ZNF316: variants seen among roughly 807,000 people sequenced by gnomAD.
ZNF316 encodes the protein zinc finger protein 316.
Under a neutral mutation model 75.6 loss-of-function variants are expected in ZNF316, and 23 were observed. The ratio of observed to expected loss-of-function variants is 0.30; its 90% CI spans 0.22 to 0.43. The LOEUF (loss-of-function observed/expected upper bound fraction) is 0.43, where lower values mean the gene tolerates loss of function less well. Among genes scored for constraint, ZNF316 ranks in the 20% least tolerant of loss-of-function variants. The probability of loss-of-function intolerance (pLI) is 1.00; values close to 1 mark genes in which losing one functional copy is unlikely to be tolerated. For synonymous variants in ZNF316, 827 were observed against 666.2 expected, an observed-to-expected ratio of 1.24 and a Z score of -3.72; for missense variants, 1,266 against 1,409.4, an observed-to-expected ratio of 0.90 and a Z score of 1.63.
rs1779323727 is a variant in ZNF316, at chr7:6,642,305, A to T, written c.-28-77A>T. ...AAATCCTGCTCCCTGCGCCCCCGCC[A>T]GGCTGCGGGAGACCCTGTGAGGGGA... On this transcript the variant is annotated intron_variant, in intron 4 of 8. Transcript: ENST00000382252. This position sits in a 1 kb window ranked among gnomAD's most constrained non-coding sequence, Gnocchi z 8.1. The T allele has an allele frequency of 1.4e-6, 1 of 690,436 alleles. No individual in the cohort carries two copies. The allele number at this position is 690,436 out of a possible 1,614,324, so 42.8% of individuals were successfully genotyped here.
intron 2 of ZNF316, among the ~76,000 whole-genome samples, chr7:6,638,682 C>A (rs1779261547): frequency 6.6e-6 from 1 of 152,194 alleles, no homozygotes; most frequent in African/African-American, 2.4e-5. Context: ...CGCCTGTAAT[C>A]CCAGCACTTT....
chr7:6,652,808 G>A lies in ZNF316; in HGVS notation c.1212G>A (p.Pro404=), dbSNP rs932207165. The change falls in exon 9 of 9, where the codon CCG becomes CCA. Residue 404 remains proline, a synonymous_variant. Transcript: ENST00000382252. ...CCGGCGAGAAGCCCTTCCCGTGCCC[G>A]GACTGCGGCAAGCGCTTCGTCTACA... is the stretch of plus-strand genomic sequence containing the variant. ...THTGEKPFPC[P]DCGKRFVYKS... is the part of the protein sequence containing the mutation. The A allele has an allele frequency of 3.3e-5, 42 of 1,268,804 alleles. No homozygotes were observed. Among genetic ancestry groups the A allele is most frequent in the Non-Finnish European group, 3.4e-5 (34 of 1,006,874 alleles). The allele number at this position is 1,268,804 out of a possible 1,614,324, so 78.6% of individuals were successfully genotyped here.
rs1779241279 is a variant in ZNF316, at chr7:6,637,760, C to A, written c.-430-86C>A. On this transcript the variant is annotated intron_variant, in intron 1 of 8. Transcript: ENST00000382252. This position sits in a 1 kb window ranked among gnomAD's most constrained non-coding sequence, Gnocchi z 6.2. ...CACGCGTGACACCTCGGGGTGCCCG[C>A]CCACGCCTTCTCGGCCGCAGCGGCA... 6.6e-6 allele frequency: 1 copy of A among 152,086 alleles called. No homozygotes were observed. Among genetic ancestry groups the A allele is most frequent in the African/African-American group, 2.4e-5 (1 of 41,434 alleles). 9.4% of individuals were successfully genotyped at this position (152,086 alleles called of 1,614,324 possible).
Position 6,644,583 on chromosome 7 carries a change from C to T in ZNF316, c.696C>T (p.Gly232=), listed in dbSNP as rs1157659421. The T allele has an allele frequency of 8.1e-6, 10 of 1,231,266 alleles. No individual in the cohort carries two copies. The highest frequency in any genetic ancestry group is 8.4e-5 in the Admixed American group (2 of 23,688). The allele number at this position is 1,231,266 out of a possible 1,614,324, so 76.3% of individuals were successfully genotyped here. A position where few individuals can be genotyped will look rare whatever the true frequency, so the allele number is the denominator to read the frequency against. The change falls in exon 8 of 9, where the codon GGC becomes GGT. Residue 232 remains glycine (G), a synonymous_variant. Coordinates refer to ENST00000382252, the MANE Select transcript of ZNF316 (RefSeq NM_001278559.2). ...CTGAGGAAGGAGACATCGTCACTGG[C>T]GTCTACACAGGTGAGCGTGGATGGA... ...PRPEEGDIVT[G]VYTGAWFWTD...
chr7:6,653,670 A>T lies in ZNF316; in HGVS notation c.2074A>T (p.Ile692Phe). The T allele has an allele frequency of 2.8e-6, 3 of 1,078,010 alleles. No individual in the cohort carries two copies. The highest frequency in any genetic ancestry group is 3.4e-6 in the Non-Finnish European group (3 of 887,948). The allele number at this position is 1,078,010 out of a possible 1,614,324, so 66.8% of individuals were successfully genotyped here. Residue 692 changes from isoleucine to phenylalanine, a missense_variant, in exon 9 of 9, where the codon ATC (isoleucine) becomes TTC (phenylalanine). By Grantham distance (21) the Ile-to-Phe change is conservative (BLOSUM62 0). This residue lies in a region of ZNF316 where 961 missense variants were observed against 990.9 expected (regional missense o/e 0.97). Coordinates refer to ENST00000382252, the MANE Select transcript of ZNF316 (RefSeq NM_001278559.2). ...AALAEEESPW[I>F]CSDCGKTFGR... ...GCTGGCGGAGGAGGAGAGCCCGTGG[A>T]TCTGCTCGGACTGCGGCAAGACGTT... is the stretch of plus-strand genomic sequence containing the variant.
In ZNF316 at chr7:6,656,809, C is replaced by T. The variant is rs1285241145; in HGVS notation, c.*2198C>T. 2.6e-5 allele frequency among the ~76,000 whole-genome samples: 4 copies of T among 152,018 alleles called. No homozygotes were observed. The highest frequency in any genetic ancestry group is 9.7e-5 in the African/African-American group (4 of 41,342). ...TCAGAGGCCCCAGCACCATGTGGCTCATCCAGGGCTCACCTACTCCAGTAC... is the reference window on the plus strand; with the variant it reads ...TCAGAGGCCCCAGCACCATGTGGCTTATCCAGGGCTCACCTACTCCAGTAC... On this transcript the variant is annotated 3_prime_UTR_variant, in exon 9 of 9. Transcript: ENST00000382252.
intron 8 of ZNF316, among the ~76,000 whole-genome samples, chr7:6,650,324 C>T (rs1779485447): frequency 1.3e-5 from 2 of 152,226 alleles, no homozygotes; most frequent in Admixed American, 1.3e-4. Context: ...CTGTGGGTGG[C>T]AGTTCGAGGT....
At chr7:6,644,231 G>A (rs1299346008) in intron 7 of ZNF316, among the ~76,000 whole-genome samples, 1 of 152,150 alleles carries the variant, frequency 6.6e-6, no homozygotes, top group Non-Finnish European at 1.5e-5. Context: ...GGCGGAAGGC[G>A]AGGGAGGAGG....
chr7:6,638,643 G>C (rs1049292374), intron 2 of ZNF316, among the ~76,000 whole-genome samples: 1 of 151,920 alleles, frequency 6.6e-6, no homozygotes, highest in African/African-American at 2.4e-5. Flanking sequence ...TAGTAGAAAT[G>C]AGGGTTTGGG....
Position 6,653,492 on chromosome 7 carries a change from C to G in ZNF316, c.1896C>G (p.Leu632=). ...RERLPVDGRP[L]PAPLGGPLSL... ...GGCTGCCGGTCGACGGGCGCCCGCT[C>G]CCGGCGCCCCTGGGGGGCCCGCTCT... The change falls in exon 9 of 9, where the codon CTC becomes CTG. Residue 632 remains leucine, a synonymous_variant. Coordinates refer to ENST00000382252, the MANE Select transcript of ZNF316 (RefSeq NM_001278559.2). 2.5e-6 allele frequency: 3 copies of G among 1,222,446 alleles called. No homozygotes were observed. Among genetic ancestry groups the G allele is most frequent in the Non-Finnish European group, 3.1e-6 (3 of 981,804 alleles). The allele number at this position is 1,222,446 out of a possible 1,614,324, so 75.7% of individuals were successfully genotyped here. A position where few individuals can be genotyped will look rare whatever the true frequency, so the allele number is the denominator to read the frequency against.
rs1022463069 is a variant in ZNF316 at position 6,653,066 on chromosome 7, C to T, written c.1470C>T (p.Cys490=). Residue 490 remains cysteine (C), a synonymous_variant, in exon 9 of 9, where the codon TGC becomes TGT. Transcript: ENST00000382252. ...ACCGCCCGCACTGCTGTCCCGACTGCGGCCAGGCCTTCCGCCTGCGCGCCG... is the reference window on the plus strand; with the variant it reads ...ACCGCCCGCACTGCTGTCCCGACTGTGGCCAGGCCTTCCGCCTGCGCGCCG... ...TADRPHCCPD[C]GQAFRLRADF... is the part of the protein sequence containing the mutation. The T allele has an allele frequency of 8.3e-6, 10 of 1,210,876 alleles. No homozygotes were observed. The highest frequency in any genetic ancestry group is 3.2e-5 in the African/African-American group (2 of 63,328). 75.0% of individuals were successfully genotyped at this position (1,210,876 alleles called of 1,614,324 possible).
Position 6,652,593 on chromosome 7 carries a change from C to T in ZNF316, c.997C>T (p.Pro333Ser), listed in dbSNP as rs1779528776. The change falls in exon 9 of 9, where the codon CCC becomes TCC. Residue 333 changes from proline to serine, a missense_variant. By Grantham distance (74) the Pro-to-Ser change is moderately conservative. Coordinates refer to ENST00000382252, the MANE Select transcript of ZNF316 (RefSeq NM_001278559.2). Reference protein sequence around the residue: ...GANLLSPWAFPAAVAPPAGRP... With the variant: ...GANLLSPWAFSAAVAPPAGRP... ...GAACCTGCTGTCGCCCTGGGCGTTC[C>T]CCGCCGCAGTGGCCCCGCCGGCCGG... 3 of 1,230,462 alleles carry T rather than the reference C, an allele frequency of 2.4e-6. No homozygotes were observed. Among genetic ancestry groups the T allele is most frequent in the South Asian group, 8.2e-5 (2 of 24,352 alleles). 76.2% of individuals were successfully genotyped at this position (1,230,462 alleles called of 1,614,324 possible). A position where few individuals can be genotyped will look rare whatever the true frequency, so the allele number is the denominator to read the frequency against.
chr7:6,653,118 G>T lies in ZNF316; in HGVS notation c.1522G>T (p.Gly508Cys). ...CTTCCAGCGCCACCGACGCGGCGGG[G>T]GCTGCGCGGAGGCGGGTGGTGACGG... ...ADFQRHRRGG[G>C]CAEAGGDGPR... Residue 508 changes from glycine to cysteine, a missense_variant, in exon 9 of 9, where the codon GGC becomes TGC. Transcript: ENST00000382252. The T allele has an allele frequency of 8.6e-7, 1 of 1,166,590 alleles. No individual in the cohort carries two copies. Among genetic ancestry groups the T allele is most frequent in the Non-Finnish European group, 1.1e-6 (1 of 946,918 alleles). The allele number at this position is 1,166,590 out of a possible 1,614,324, so 72.3% of individuals were successfully genotyped here.
At chr7:6,649,256 C>T (rs562315149) in intron 8 of ZNF316, among the ~76,000 whole-genome samples, 9 of 152,264 alleles carry the variant, frequency 5.9e-5, no homozygotes, top group South Asian at 2.1e-4. Context: ...TAGGCCTAAA[C>T]GTGAGGTGCA....
In ZNF316 at chr7:6,653,252, G is replaced by C; in HGVS notation, c.1656G>C (p.Ala552=). ...VGEADGEAEA[A]AEEREEAAVA... ...AGGCGGACGGAGAGGCGGAGGCCGC[G>C]GCCGAGGAGAGAGAGGAGGCGGCGG... The change falls in exon 9 of 9, where the codon GCG becomes GCC. Residue 552 remains alanine (A), a synonymous_variant. Transcript: ENST00000382252. 8.2e-7 allele frequency: 1 copy of C among 1,226,938 alleles called. No individual in the cohort carries two copies. Among genetic ancestry groups the C allele is most frequent in the Non-Finnish European group, 1.0e-6 (1 of 985,278 alleles). The allele number at this position is 1,226,938 out of a possible 1,614,324, so 76.0% of individuals were successfully genotyped here. A position where few individuals can be genotyped will look rare whatever the true frequency, so the allele number is the denominator to read the frequency against.
chr7:6,646,524 G>A (rs1562580974), intron 8 of ZNF316, among the ~76,000 whole-genome samples: 1 of 152,210 alleles, frequency 6.6e-6, no homozygotes, highest in Non-Finnish European at 1.5e-5. Context: ...CCTGGCTGGG[G>A]TTTGAGAGCT....
Position 6,653,337 on chromosome 7 carries a change from C to T in ZNF316, c.1741C>T (p.Leu581=), listed in dbSNP as rs1465625333. 3 of 1,226,120 alleles carry T rather than the reference C, an allele frequency of 2.4e-6. No homozygotes were observed. Among genetic ancestry groups the T allele is most frequent in the Admixed American group, 8.5e-5 (2 of 23,424 alleles). The allele number at this position is 1,226,120 out of a possible 1,614,324, so 76.0% of individuals were successfully genotyped here. Residue 581 remains leucine, a synonymous_variant, in exon 9 of 9, where the codon CTG becomes TTG. Coordinates refer to ENST00000382252, the MANE Select transcript of ZNF316 (RefSeq NM_001278559.2). ...CGCGCCGGAACGGCGCTTCCTGGAG[C>T]TGGGCAACGGCCTGGGGGAGGGCGA... is the stretch of plus-strand genomic sequence containing the variant. The part of the protein sequence containing the change: ...DPAPERRFLE[L]GNGLGEGEGP...
rs192318444 is a variant in ZNF316 at position 6,639,497 on chromosome 7, C to A, written c.-167+356C>A. On this transcript the variant is annotated intron_variant, in intron 3 of 8. Coordinates refer to ENST00000382252, the MANE Select transcript of ZNF316 (RefSeq NM_001278559.2). The surrounding 1 kb of genome is among the most constrained non-coding windows in gnomAD (Gnocchi z 4.2). ...GGCCCAGGGGGCTGCCTCAGAAGAC[C>A]ACCCAGGAAAAGGGGAAGAGAGTTC... 1.3e-5 allele frequency among the ~76,000 whole-genome samples: 2 copies of A among 152,304 alleles called. No homozygotes were observed. The highest frequency in any genetic ancestry group is 4.8e-5 in the African/African-American group (2 of 41,544).
At position 6,653,484 on chromosome 7, in the gene ZNF316, CGCCCGCTCCCGGCGCCCCTGGGGG is replaced by C. The variant is rs1301174637; in HGVS notation, c.1897_1920del (p.Pro633_Leu640del). 8.1e-4 allele frequency: 998 copies of C among 1,225,122 alleles called. No homozygotes were observed. Among genetic ancestry groups the C allele is most frequent in the Non-Finnish European group, 9.2e-4 (907 of 984,066 alleles). The allele number at this position is 1,225,122 out of a possible 1,614,324, so 75.9% of individuals were successfully genotyped here. A position where few individuals can be genotyped will look rare whatever the true frequency, so the allele number is the denominator to read the frequency against. On this transcript the variant is annotated inframe_deletion, in exon 9 of 9. Coordinates refer to ENST00000382252, the MANE Select transcript of ZNF316 (RefSeq NM_001278559.2). ...CCGAGAGCGGCTGCCGGTCGACGGGCGCCCGCTCCCGGCGCCCCTGGGGGGCCCGCTCTCCCTGGTGGAGGGTAC... is the reference window on the plus strand; with the variant it reads ...CCGAGAGCGGCTGCCGGTCGACGGGCGCCCGCTCTCCCTGGTGGAGGGTAC...
Sources: allele counts gnomAD v4.1 joint callset (sites outside exome capture counted in the v4.1 genomes callset), GRCh38; gene constraint gnomAD v4.1.1; regional missense constraint gnomAD v4.1.1; non-coding constraint Gnocchi (gnomAD v3.1); transcripts MANE v1.5; gene names NCBI Gene and HGNC (gene_info 2026-07-23, HGNC 2026-07-21).